FBXL7: variants seen among roughly 807,000 people sequenced by gnomAD.
FBXL7 encodes F-box/LRR-repeat protein 7.
FBXL7 carries 12 observed loss-of-function variants against 38.3 expected under a neutral mutation model. The observed-to-expected ratio is 0.31, with a 90% CI of 0.20 to 0.51. The LOEUF is 0.51. Among genes scored for constraint, FBXL7 ranks in the 20% least tolerant of loss-of-function variants. The pLI, the probability that FBXL7 is intolerant of heterozygous loss-of-function variation, is 0.98. For synonymous variants in FBXL7, 297 were observed against 300.9 expected (o/e 0.99, Z 0.13); for missense variants, 567 against 676.4 (o/e 0.84, Z 1.79).
At chr5:15,895,555 G>A (rs1260474144) in intron 2 of FBXL7, among the ~76,000 whole-genome samples, 13 of 150,286 alleles carry the variant, frequency 8.7e-5, no homozygotes, top group Admixed American at 3.3e-4. Context: ...ACATTACAAC[G>A]TGAACATCTC....
intron 2 of FBXL7, among the ~76,000 whole-genome samples, chr5:15,735,021 T>G (rs1021170617): frequency 2.6e-5 from 4 of 152,204 alleles, no homozygotes; most frequent in Admixed American, 6.5e-5. Flanking sequence ...AACCTCCGTC[T>G]CCTGGGTTCA....
chr5:15,850,759 C>G (rs947020873), intron 2 of FBXL7, among the ~76,000 whole-genome samples: 1 of 152,210 alleles, frequency 6.6e-6, no homozygotes. Context: ...CTGAATGTCA[C>G]TTTTTGTTCC....
intron 1 of FBXL7, among the ~76,000 whole-genome samples, chr5:15,555,570 A>G (rs551821679): frequency 6.6e-6 from 1 of 152,188 alleles, no homozygotes; most frequent in East Asian, 1.9e-4. Context: ...CCCCTTAGAC[A>G]CAGTTGCTGT....
chr5:15,599,818 C>T (rs935549517), intron 1 of FBXL7, among the ~76,000 whole-genome samples: 4 of 152,038 alleles, frequency 2.6e-5, no homozygotes, highest in African/African-American at 7.2e-5. Context: ...TGAAAAATGA[C>T]GAGGTTCATA....
At chr5:15,721,568 G>T (rs893755174) in intron 2 of FBXL7, among the ~76,000 whole-genome samples, 2 of 151,278 alleles carry the variant, frequency 1.3e-5, no homozygotes, top group Non-Finnish European at 2.9e-5. Flanking sequence ...CATCATCCTC[G>T]AGTCTCTATT....
intron 2 of FBXL7, among the ~76,000 whole-genome samples, chr5:15,632,336 G>T (rs971605603): frequency 3.3e-5 from 5 of 151,946 alleles, no homozygotes; most frequent in South Asian, 4.2e-4. Flanking sequence ...ATAACAAAAA[G>T]ACATTGCTAA....
intron 1 of FBXL7, among the ~76,000 whole-genome samples, chr5:15,558,727 G>A (rs950727165): frequency 6.6e-6 from 1 of 152,206 alleles, no homozygotes; most frequent in Non-Finnish European, 1.5e-5. Context: ...TAGTGTCCAA[G>A]TAAGATTCAT....
In FBXL7 at chr5:15,722,991, G is replaced by A. The variant is rs1436963358; in HGVS notation, c.127+106919G>A. Among the ~76,000 whole-genome samples, 6 of 151,004 alleles carry A rather than the reference G, an allele frequency of 4.0e-5. No individual in the cohort carries two copies. In the East Asian group the frequency reaches 1.2e-3, roughly 29 times the overall value. ...AAAAATCACAGTTAGTTCTTGACAA[G>A]GGAATGGATAATTCATGTTACACAA... On this transcript the variant is annotated intron_variant, in intron 2 of 3. Coordinates refer to ENST00000504595, the MANE Select transcript of FBXL7 (RefSeq NM_012304.5).
chr5:15,767,472 C>T (rs938681687), intron 2 of FBXL7, among the ~76,000 whole-genome samples: 2 of 152,066 alleles, frequency 1.3e-5, no homozygotes, highest in Non-Finnish European at 2.9e-5. Flanking sequence ...GGAACTGCCT[C>T]CCCAAGACCC....
rs566165155 is a variant in FBXL7, at chr5:15,631,659, C to T, written c.127+15587C>T. 1.6e-4 allele frequency among the ~76,000 whole-genome samples: 17 copies of T among 106,286 alleles called. No individual in the cohort carries two copies. The South Asian group carries it at 3.0e-3, about 19-fold the overall frequency. 69.7% of individuals were successfully genotyped at this position (106,286 alleles called of 152,430 possible). ...TGCACTACAGCCTGGGCAACAAGAG[C>T]GAGACTCCAAAAAAAAAAAAAAAAA... On this transcript the variant is annotated intron_variant, in intron 2 of 3. Coordinates refer to ENST00000504595, the MANE Select transcript of FBXL7 (RefSeq NM_012304.5).
At chr5:15,594,295 C>T (rs539024117) in intron 1 of FBXL7, among the ~76,000 whole-genome samples, 2 of 152,098 alleles carry the variant, frequency 1.3e-5, no homozygotes, top group Non-Finnish European at 2.9e-5. Flanking sequence ...TATGGTGGGT[C>T]AGAGAGGTCA....
chr5:15,633,550 A>G (rs1291529015), intron 2 of FBXL7, among the ~76,000 whole-genome samples: 1 of 151,766 alleles, frequency 6.6e-6, no homozygotes, highest in East Asian at 1.9e-4. Flanking sequence ...TGTTTTATAT[A>G]CATTTCCAAA....
chr5:15,505,671 G>A (rs1296065907), intron 1 of FBXL7, among the ~76,000 whole-genome samples: 1 of 152,174 alleles, frequency 6.6e-6, no homozygotes, highest in Non-Finnish European at 1.5e-5. Flanking sequence ...GAATATGGGC[G>A]TAGGGTATTA....
chr5:15,656,395 A>T (rs1468966114), intron 2 of FBXL7, among the ~76,000 whole-genome samples: 1 of 152,206 alleles, frequency 6.6e-6, no homozygotes, highest in Non-Finnish European at 1.5e-5. Flanking sequence ...ATGGCTGGGG[A>T]ATCCTCACAA....
intron 2 of FBXL7, among the ~76,000 whole-genome samples, chr5:15,869,217 T>G (rs562543224): frequency 1.8e-4 from 27 of 152,260 alleles, no homozygotes; most frequent in African/African-American, 6.3e-4. Context: ...ATCCCATCAC[T>G]TTGCCTATAT....
At chr5:15,679,282 A>C (rs1173746065) in intron 2 of FBXL7, among the ~76,000 whole-genome samples, 1 of 152,214 alleles carries the variant, frequency 6.6e-6, no homozygotes, top group Non-Finnish European at 1.5e-5. Context: ...GACCAAAGAA[A>C]AACCTCATTT....
chr5:15,863,077 G>T lies in FBXL7; in HGVS notation c.128-64813G>T, dbSNP rs116109505. Among the ~76,000 whole-genome samples, 250 of 152,296 alleles carry T rather than the reference G, an allele frequency of 1.6e-3. 1 individual carries two copies. Among genetic ancestry groups the T allele is most frequent in the Non-Finnish European group, 1.6e-3 (108 of 68,026 alleles). ...GTTGACTGCAATCCCCACACATGAT[G>T]TATAGCAAAGTGTTTAAACAGTGAC... On this transcript the variant is annotated intron_variant, in intron 2 of 3. Transcript: ENST00000504595.
intron 2 of FBXL7, among the ~76,000 whole-genome samples, chr5:15,651,435 T>C (rs1741707551): frequency 6.6e-6 from 1 of 152,168 alleles, no homozygotes; most frequent in Non-Finnish European, 1.5e-5. Flanking sequence ...AAATTATTTC[T>C]TGATTAGTGG....
At chr5:15,711,575 C>T (rs928343707) in intron 2 of FBXL7, among the ~76,000 whole-genome samples, 3 of 152,092 alleles carry the variant, frequency 2.0e-5, no homozygotes, top group Non-Finnish European at 4.4e-5. Flanking sequence ...GTGGTCAGGG[C>T]CTGAATTAAG....
Sources: gnomAD v4.1 joint callset for allele counts (sites outside exome capture counted in the v4.1 genomes callset) on GRCh38, gnomAD v4.1.1 for gene constraint, MANE v1.5 for transcripts, NCBI Gene and HGNC (gene_info 2026-07-23, HGNC 2026-07-21) for gene names.